The following SYN2 variants were observed in gnomAD, a reference collection of about 807,000 sequenced individuals.
The protein encoded by SYN2 is synapsin II, also known as synapsin-2.
Under a neutral mutation model 50.9 loss-of-function variants are expected in SYN2, and 19 were observed. That is an observed-to-expected ratio of 0.37 (90% CI 0.26 to 0.55). The LOEUF is 0.55. Ranked by LOEUF, SYN2 falls within the 20% of genes least tolerant of loss-of-function variation. The probability of loss-of-function intolerance (pLI) is 0.81; values close to 1 mark genes in which losing one functional copy is unlikely to be tolerated. For missense variants in SYN2, 587 were observed against 576.4 expected (o/e 1.02, Z -0.19); for synonymous variants, 255 against 224.9 (o/e 1.13, Z -1.20).
chr3:12,123,064 G>A (rs919729185), intron 1 of SYN2, among the ~76,000 whole-genome samples: 1 of 152,132 alleles, frequency 6.6e-6, no homozygotes, highest in African/African-American at 2.4e-5. Flanking sequence ...CTCTCAAAGA[G>A]ACAAAGAGAA....
At chr3:12,025,086 A>C (rs1694227020) in intron 1 of SYN2, among the ~76,000 whole-genome samples, 1 of 152,052 alleles carries the variant, frequency 6.6e-6, no homozygotes, top group African/African-American at 2.4e-5. Flanking sequence ...TGTAGACGGC[A>C]CCTTCTTGCT....
chr3:12,146,452 G>A lies in SYN2; in HGVS notation c.684+617G>A, dbSNP rs548319145. ...ATGAAAATTAAAGAAGGAAAGTAAG[G>A]TGTAGAAAACTACTTACTATAGGAT... On this transcript the variant is annotated intron_variant, in intron 4 of 12. Transcript: ENST00000621198. 2.0e-3 allele frequency among the ~76,000 whole-genome samples: 306 copies of A among 152,332 alleles called. 1 individual carries two copies. Among genetic ancestry groups the A allele is most frequent in the African/African-American group, 6.3e-3 (262 of 41,578 alleles).
At chr3:12,164,537 G>A (rs1697732723) in intron 7 of SYN2, among the ~76,000 whole-genome samples, 2 of 151,778 alleles carry the variant, frequency 1.3e-5, no homozygotes. Context: ...TTAGGCTTGG[G>A]ATTCTTTTCG....
chr3:12,105,743 T>C (rs1175467323), intron 1 of SYN2, among the ~76,000 whole-genome samples: 1 of 151,964 alleles, frequency 6.6e-6, no homozygotes, highest in Non-Finnish European at 1.5e-5. Context: ...TCCCTCTCAA[T>C]TCACGGCAAG....
At chr3:12,175,240 A>G (rs1045430704) in intron 10 of SYN2, among the ~76,000 whole-genome samples, 1 of 152,210 alleles carries the variant, frequency 6.6e-6, no homozygotes, top group African/African-American at 2.4e-5. Flanking sequence ...TGTAATACAT[A>G]TTTGTTGAGT....
chr3:12,166,801 G>A (rs754616969), intron 7 of SYN2, among the ~76,000 whole-genome samples: 1 of 152,248 alleles, frequency 6.6e-6, no homozygotes, highest in Non-Finnish European at 1.5e-5. Context: ...TATAGATACT[G>A]AATGGGTAGG....
chr3:12,152,007 C>G (rs771109152), intron 5 of SYN2, among the ~76,000 whole-genome samples: 1 of 152,192 alleles, frequency 6.6e-6, no homozygotes, highest in Non-Finnish European at 1.5e-5. Context: ...TTCTTCTTCC[C>G]TGTCCCCACA....
At position 12,167,214 on chromosome 3, in the gene SYN2, C is replaced by T. The variant is rs775792604; in HGVS notation, c.981-20C>T. 20 of 1,610,372 alleles carry T rather than the reference C, an allele frequency of 1.2e-5. No homozygotes were observed. The highest frequency in any genetic ancestry group is 3.3e-4 in the Middle Eastern group (2 of 6,058). The stretch of plus-strand genomic sequence containing the variant: ...GGTGTGGCTCACTGCCTGTCCTATC[C>T]TGGTGGGATCTTGTTGCAGGAGGAC... On this transcript the variant is annotated intron_variant, in intron 7 of 12. Coordinates refer to ENST00000621198, the MANE Select transcript of SYN2 (RefSeq NM_133625.6).
At position 12,151,267 on chromosome 3, in the gene SYN2, C is replaced by A. The variant is rs371670872; in HGVS notation, c.715C>A (p.Leu239Met). The change falls in exon 5 of 13, where the codon CTG (leucine) becomes ATG (methionine). Residue 239 changes from leucine to methionine, a missense_variant. Leu to Met is a conservative substitution (Grantham distance 15). Coordinates refer to ENST00000621198, the MANE Select transcript of SYN2 (RefSeq NM_133625.6). Reference sequence around the variant, plus strand: ...CCAGCTGGTCGCTATCTATAAGACACTGGGAGGAGAAAAGTTCCCTCTCAT... The same window carrying A: ...CCAGCTGGTCGCTATCTATAAGACAATGGGAGGAGAAAAGTTCCCTCTCAT... ...FAQLVAIYKT[L>M]GGEKFPLIEQ... 6.8e-6 allele frequency: 11 copies of A among 1,613,324 alleles called. No individual in the cohort carries two copies. The highest frequency in any genetic ancestry group is 9.3e-6 in the Non-Finnish European group (11 of 1,179,726).
At chr3:12,111,737 T>G (rs1269173501) in intron 1 of SYN2, among the ~76,000 whole-genome samples, 2 of 152,200 alleles carry the variant, frequency 1.3e-5, no homozygotes, top group African/African-American at 2.4e-5. Context: ...TAGTAGGCTG[T>G]TTTTTAAGAA....
intron 1 of SYN2, among the ~76,000 whole-genome samples, chr3:12,016,080 T>C (rs890987758): frequency 2.0e-5 from 3 of 152,214 alleles, no homozygotes; most frequent in Non-Finnish European, 4.4e-5. Flanking sequence ...AAACTGTTTC[T>C]TTTATATTTC....
chr3:12,071,244 G>C, intron 1 of SYN2: 1 of 555,944 alleles, frequency 1.8e-6, no homozygotes, highest in Non-Finnish European at 3.6e-6. Flanking sequence ...CAGAGCGCAA[G>C]TACTCTGTGT....
chr3:12,063,679 AC>A (rs1442545295), intron 1 of SYN2, among the ~76,000 whole-genome samples: 1 of 152,028 alleles, frequency 6.6e-6, no homozygotes, highest in East Asian at 1.9e-4. Context: ...ATTTTTAAAA[AC>A]ACATGGAAGG....
chr3:12,189,745 T>G (rs1574899590), intron 12 of SYN2, among the ~76,000 whole-genome samples: 1 of 152,102 alleles, frequency 6.6e-6, no homozygotes, highest in African/African-American at 2.4e-5. Flanking sequence ...GAGGTTGCAG[T>G]GAGCAGAGAT....
chr3:12,145,595 T>C (rs1247543192), intron 3 of SYN2, 84 bp from the exon 4 acceptor site: 1 of 1,485,760 alleles, frequency 6.7e-7, no homozygotes, highest in African/African-American at 1.4e-5. Flanking sequence ...CTCTTCTTTA[T>C]CTTGGGTTTT....
intron 5 of SYN2, among the ~76,000 whole-genome samples, chr3:12,158,474 G>A (rs1005747349): frequency 1.3e-5 from 2 of 152,186 alleles, no homozygotes; most frequent in Non-Finnish European, 2.9e-5. Flanking sequence ...GAGGGAGGTC[G>A]CTATGGAAGT....
intron 1 of SYN2, among the ~76,000 whole-genome samples, chr3:12,122,534 G>A (rs1574952128): frequency 6.6e-6 from 1 of 152,150 alleles, no homozygotes; most frequent in East Asian, 1.9e-4. Context: ...AGACCCACAA[G>A]TGAGGCTGGG....
chr3:12,099,367 C>T (rs1696016882), intron 1 of SYN2, among the ~76,000 whole-genome samples: 1 of 151,954 alleles, frequency 6.6e-6, no homozygotes, highest in African/African-American at 2.4e-5. Flanking sequence ...ATATGTTCTC[C>T]AACTGCAATA....
At chr3:12,149,271 T>G (rs560688894) in intron 4 of SYN2, among the ~76,000 whole-genome samples, 22 of 152,302 alleles carry the variant, frequency 1.4e-4, no homozygotes, top group African/African-American at 5.1e-4. Context: ...TTGGCAGAGC[T>G]GGCATTAACT....
Sources: gnomAD v4.1 joint callset for allele counts (sites outside exome capture counted in the v4.1 genomes callset) on GRCh38, gnomAD v4.1.1 for gene constraint, MANE v1.5 for transcripts, NCBI Gene and HGNC (gene_info 2026-07-23, HGNC 2026-07-21) for gene names.